The following ARFGEF1 variants were observed in gnomAD, a reference collection of about 807,000 sequenced individuals.
The protein encoded by ARFGEF1 is brefeldin A-inhibited guanine nucleotide-exchange protein 1.
Under a neutral mutation model 231.0 loss-of-function variants are expected in ARFGEF1, and 42 were observed. The ratio of observed to expected loss-of-function variants is 0.18; its 90% CI spans 0.14 to 0.24. The LOEUF (loss-of-function observed/expected upper bound fraction) is 0.24. Ranked by LOEUF, ARFGEF1 falls within the 10% of genes least tolerant of loss-of-function variation. The pLI, the probability that ARFGEF1 is intolerant of heterozygous loss-of-function variation, is 1.00. For missense variants in ARFGEF1, 1,345 were observed against 2,192.0 expected, an observed-to-expected ratio of 0.61 and a Z score of 7.72; for synonymous variants, 710 against 732.3, an observed-to-expected ratio of 0.97 and a Z score of 0.49.
chr8:67,299,714 C>T lies in ARFGEF1; in HGVS notation c.313-359G>A, dbSNP rs144380155. On this transcript the variant is annotated intron_variant, in intron 3 of 38. Coordinates refer to ENST00000262215, the MANE Select transcript of ARFGEF1 (RefSeq NM_006421.5). ...TAATCCCAGCACTTTGGGAGGCCTG[C>T]TTGCCTCCCACATTGTCAGTCCACA... is the stretch of plus-strand genomic sequence containing the variant. 2.7e-3 allele frequency among the ~76,000 whole-genome samples: 409 copies of T among 152,174 alleles called. 2 individuals carry two copies. Among genetic ancestry groups the T allele is most frequent in the African/African-American group, 9.6e-3 (399 of 41,490 alleles).
intron 28 of ARFGEF1, 58 bp from the exon 29 acceptor site, chr8:67,225,091 T>C (rs923999469): frequency 3.0e-5 from 41 of 1,388,540 alleles, no homozygotes; most frequent in Non-Finnish European, 3.6e-5. Flanking sequence ...ACATTCAGTA[T>C]ACTAACTTCT....
intron 33 of ARFGEF1, among the ~76,000 whole-genome samples, chr8:67,212,734 A>C (rs1411785721): frequency 6.6e-6 from 1 of 152,242 alleles, no homozygotes; most frequent in Admixed American, 6.5e-5. Flanking sequence ...GTAATAATCA[A>C]AACAATACGT....
intron 1 of ARFGEF1, among the ~76,000 whole-genome samples, chr8:67,339,795 C>CAGGGGGGGGGGGGGGGA (rs1808524735): frequency 7.0e-5 from 1 of 14,274 alleles, no homozygotes; most frequent in African/African-American, 3.3e-4. Context: ...CAGTGTGGGG[C>CAGGGGGGGGGGGGGGGA]GGGGGGGGGG....
At position 67,232,844 on chromosome 8, in the gene ARFGEF1, G is replaced by C. The variant is rs1839599317; in HGVS notation, c.3380+11C>G. Reference sequence around the variant, plus strand: ...TAATCATCTGAAAAGGGAATAAAATGAATACCTTACCTATCTACAGCAACA... The same window carrying C: ...TAATCATCTGAAAAGGGAATAAAATCAATACCTTACCTATCTACAGCAACA... On this transcript the variant is annotated intron_variant, in intron 23 of 38. Transcript: ENST00000262215. The C allele has an allele frequency of 6.4e-7, 1 of 1,574,542 alleles. No individual in the cohort carries two copies. The highest frequency in any genetic ancestry group is 1.4e-5 in the African/African-American group (1 of 73,682).
Position 67,343,459 on chromosome 8 carries a change from GC to G in ARFGEF1, c.-173del. On this transcript the variant is annotated 5_prime_UTR_variant, in exon 1 of 39. Coordinates refer to ENST00000262215, the MANE Select transcript of ARFGEF1 (RefSeq NM_006421.5). ...AAGGGGCGGGCGAGCGGGACCAGCC[GC>G]GGTGTCGGCGAAGGGCGTCGAGGTC... is the stretch of plus-strand genomic sequence containing the variant. 7.4e-7 allele frequency: 1 copy of G among 1,347,680 alleles called. No individual in the cohort carries two copies. Among genetic ancestry groups the G allele is most frequent in the Non-Finnish European group, 9.6e-7 (1 of 1,046,836 alleles). The allele number at this position is 1,347,680 out of a possible 1,614,324, so 83.5% of individuals were successfully genotyped here.
chr8:67,179,714 C>A, intron 5 of ARFGEF1: 1 of 574,176 alleles, frequency 1.7e-6, no homozygotes, highest in Non-Finnish European at 3.1e-6. Context: ...CCAGTATTTT[C>A]TGAGCATTGG....
downstream of ARFGEF1, among the ~76,000 whole-genome samples, chr8:67,196,659 ATTGT>A (rs1441859437): frequency 6.6e-6 from 1 of 152,282 alleles, no homozygotes; most frequent in Middle Eastern, 3.4e-3. Context: ...TAATCGGACC[ATTGT>A]TTGTTTGCTT....
intron 22 of ARFGEF1, among the ~76,000 whole-genome samples, chr8:67,234,187 C>T (rs969782639): frequency 1.3e-5 from 2 of 152,110 alleles, no homozygotes; most frequent in African/African-American, 4.8e-5. Flanking sequence ...CTGCTGAACT[C>T]AAATTCTATT....
intron 1 of ARFGEF1, among the ~76,000 whole-genome samples, chr8:67,311,452 A>T (rs9693662): frequency 3.2e-5 from 4 of 125,512 alleles, no homozygotes; most frequent in South Asian, 2.7e-4. Context: ...CCGCCCCATC[A>T]GGGAGGGAGG....
intron 5 of ARFGEF1, chr8:67,190,533 T>C (rs753987160): frequency 5.6e-6 from 4 of 720,074 alleles, no homozygotes; most frequent in Non-Finnish European, 1.0e-5. Flanking sequence ...GTACATACAT[T>C]GAGTGTGTTT....
chr8:67,336,950 G>A (rs1254787101), intron 1 of ARFGEF1, among the ~76,000 whole-genome samples: 1 of 151,768 alleles, frequency 6.6e-6, no homozygotes, highest in African/African-American at 2.4e-5. Flanking sequence ...CTAACACGGT[G>A]AAACCCCATC....
intron 1 of ARFGEF1, among the ~76,000 whole-genome samples, chr8:67,305,182 A>G (rs1282636384): frequency 6.6e-6 from 1 of 152,310 alleles, no homozygotes. Context: ...CTCTAACTTC[A>G]CTAACTACTA....
At chr8:67,212,955 T>G (rs1005729407) in intron 33 of ARFGEF1, among the ~76,000 whole-genome samples, 9 of 152,208 alleles carry the variant, frequency 5.9e-5, no homozygotes, top group Non-Finnish European at 1.0e-4. Context: ...TTAAAAACCT[T>G]GCTCTGTATT....
intron 34 of ARFGEF1, among the ~76,000 whole-genome samples, chr8:67,211,082 C>T (rs1312558344): frequency 7.6e-6 from 1 of 130,966 alleles, no homozygotes; most frequent in Non-Finnish European, 1.6e-5. Flanking sequence ...CATAGTGGCT[C>T]ACACTGTAAT....
At chr8:67,280,046 A>G (rs1031473059) in intron 7 of ARFGEF1, among the ~76,000 whole-genome samples, 1 of 152,200 alleles carries the variant, frequency 6.6e-6, no homozygotes, top group African/African-American at 2.4e-5. Context: ...ACTAAGGAGC[A>G]TATCACTGGA....
rs1373999231 is a variant in ARFGEF1 at position 67,269,152 on chromosome 8, G to T, written c.1573-1710C>A. On this transcript the variant is annotated intron_variant, in intron 10 of 38. Coordinates refer to ENST00000262215, the MANE Select transcript of ARFGEF1 (RefSeq NM_006421.5). ...ACAACAGCTATATCTTAAGTATGCT[G>T]TCTTCACATATGTTCTCCTGAAAAG... Among the ~76,000 whole-genome samples, 5 of 152,106 alleles carry T rather than the reference G, an allele frequency of 3.3e-5. No homozygotes were observed. In the East Asian group the frequency reaches 9.7e-4, roughly 29 times the overall value.
chr8:67,324,004 T>C (rs1456845818), intron 1 of ARFGEF1, among the ~76,000 whole-genome samples: 5 of 152,290 alleles, frequency 3.3e-5, no homozygotes, highest in East Asian at 3.9e-4. Context: ...GGTTTCACCA[T>C]GTTAGCCAGG....
rs34170422 is a variant in ARFGEF1 at position 67,261,830 on chromosome 8, CTTTTTTT to C, written c.2124-1911_2124-1905del. Among the ~76,000 whole-genome samples the C allele has an allele frequency of 1.3e-4, 15 of 117,998 alleles. No individual in the cohort carries two copies. In the East Asian group the frequency reaches 3.7e-3, roughly 29 times the overall value. The allele number at this position is 117,998 out of a possible 152,430, so 77.4% of individuals were successfully genotyped here. ...TCAGAAGTAACTCTGAATTTCAAGT[CTTTTTTT>C]TTTTTTTTTTTTTTTAAAGAAATGG... On this transcript the variant is annotated intron_variant, in intron 14 of 38. Transcript: ENST00000262215.
At position 67,271,565 on chromosome 8, in the gene ARFGEF1, G is replaced by GAATGAA. The variant is rs1360886311; in HGVS notation, c.1572+131_1572+136dup. 7.4e-6 allele frequency: 5 copies of GAATGAA among 672,394 alleles called. No individual in the cohort carries two copies. In the African/African-American group the frequency reaches 9.1e-5, roughly 12 times the overall value. 41.7% of individuals were successfully genotyped at this position (672,394 alleles called of 1,614,324 possible). ...GTTGGCACATATTAGTTGAACAGGT[G>GAATGAA]AATGAAAAAAAATAAGTGCATGGCA... On this transcript the variant is annotated intron_variant, in intron 10 of 38. Coordinates refer to ENST00000262215, the MANE Select transcript of ARFGEF1 (RefSeq NM_006421.5).
Sources: gnomAD v4.1 joint callset for allele counts (sites outside exome capture counted in the v4.1 genomes callset) on GRCh38, gnomAD v4.1.1 for gene constraint, MANE v1.5 for transcripts, NCBI Gene and HGNC (gene_info 2026-07-23, HGNC 2026-07-21) for gene names.